CSMD1: variants seen among roughly 807,000 people sequenced by gnomAD.
The protein encoded by CSMD1 is CUB and Sushi multiple domains 1.
Under a neutral mutation model 417.5 loss-of-function variants are expected in CSMD1, and 213 were observed. The observed-to-expected ratio is 0.51, with a 90% CI of 0.46 to 0.57. CSMD1 has a LOEUF of 0.57. CSMD1 is among the 20% of genes least tolerant of loss of function. The probability of loss-of-function intolerance (pLI) is 0.00; values close to 1 mark genes in which losing one functional copy is unlikely to be tolerated. For missense variants in CSMD1, 6,923 were observed against 4,529.7 expected (o/e 1.53, Z -15.17); for synonymous variants, 2,862 against 1,736.8 (o/e 1.65, Z -16.11).
At chr8:4,589,911 A>G (rs531406075) in intron 2 of CSMD1, among the ~76,000 whole-genome samples, 127 of 152,310 alleles carry the variant, frequency 8.3e-4, no homozygotes, top group Non-Finnish European at 1.6e-3. Flanking sequence ...ACACCATAGA[A>G]TATGTGGCTT....
intron 3 of CSMD1, among the ~76,000 whole-genome samples, chr8:4,327,853 C>A (rs1255929428): frequency 6.6e-6 from 1 of 152,148 alleles, no homozygotes; most frequent in African/African-American, 2.4e-5. Context: ...TGAAAGATGA[C>A]ACATTTTGTA....
chr8:4,956,880 A>G (rs1021980626), intron 1 of CSMD1, among the ~76,000 whole-genome samples: 1 of 152,142 alleles, frequency 6.6e-6, no homozygotes, highest in Non-Finnish European at 1.5e-5. Flanking sequence ...CTCCACACCA[A>G]GCGGCAATCC....
At chr8:4,044,315 T>C (rs994836112) in intron 3 of CSMD1, among the ~76,000 whole-genome samples, 7 of 152,204 alleles carry the variant, frequency 4.6e-5, no homozygotes, top group Non-Finnish European at 8.8e-5. Flanking sequence ...TGAAAATTGA[T>C]GCAACACTTA....
chr8:3,448,426 A>AGGAGGGGAGGGAG (rs532643101), intron 12 of CSMD1, among the ~76,000 whole-genome samples: 1 of 96,098 alleles, frequency 1.0e-5, no homozygotes, highest in African/African-American at 4.4e-5. Context: ...AAGGGAAGGA[A>AGGAGGGGAGGGAG]GAAGGAGCAA....
At chr8:3,670,288 T>A (rs1396138976) in intron 7 of CSMD1, among the ~76,000 whole-genome samples, 1 of 151,854 alleles carries the variant, frequency 6.6e-6, no homozygotes, top group Non-Finnish European at 1.5e-5. Context: ...CCTACATCCT[T>A]CTCCTGTGCC....
At chr8:4,309,198 T>G (rs1290287246) in intron 3 of CSMD1, among the ~76,000 whole-genome samples, 5 of 152,122 alleles carry the variant, frequency 3.3e-5, no homozygotes, top group African/African-American at 9.7e-5. Context: ...TACTTTCAAT[T>G]CCTAGGGTCA....
At chr8:3,632,321 G>T (rs999827001) in intron 7 of CSMD1, among the ~76,000 whole-genome samples, 6 of 151,990 alleles carry the variant, frequency 3.9e-5, no homozygotes, top group Admixed American at 3.9e-4. Flanking sequence ...AGCCCCGTTC[G>T]CCTTCTTGGA....
intron 7 of CSMD1, among the ~76,000 whole-genome samples, chr8:3,684,041 C>G (rs770821664): frequency 3.3e-4 from 50 of 149,456 alleles, no homozygotes; most frequent in Admixed American, 1.2e-3. Flanking sequence ...GACAGTCTTT[C>G]TATTTTAATG....
At chr8:3,708,365 C>T (rs1812660533) in intron 7 of CSMD1, 49 bp downstream of exon 7, 1 of 1,515,350 alleles carries the variant, frequency 6.6e-7, no homozygotes. Context: ...ATTCTCTCCT[C>T]TGCTTACAAG....
chr8:3,822,642 A>G (rs1272967521), intron 5 of CSMD1, among the ~76,000 whole-genome samples: 2 of 152,092 alleles, frequency 1.3e-5, no homozygotes, highest in Non-Finnish European at 2.9e-5. Flanking sequence ...TTGCTTTATT[A>G]CATTCCGTCT....
chr8:3,436,505 T>C (rs1308128628), intron 12 of CSMD1, among the ~76,000 whole-genome samples: 2 of 152,350 alleles, frequency 1.3e-5, no homozygotes, highest in African/African-American at 2.4e-5. Flanking sequence ...AAATTAATTA[T>C]GTAAATTAAG....
intron 12 of CSMD1, among the ~76,000 whole-genome samples, chr8:3,452,833 A>G (rs923384259): frequency 1.3e-5 from 2 of 152,216 alleles, no homozygotes; most frequent in African/African-American, 4.8e-5. Flanking sequence ...TGGCCTCATA[A>G]AATGAGTTAG....
intron 3 of CSMD1, among the ~76,000 whole-genome samples, chr8:4,259,691 T>A (rs1040547124): frequency 2.0e-5 from 3 of 152,168 alleles, no homozygotes; most frequent in African/African-American, 7.2e-5. Flanking sequence ...AAATTTCTAT[T>A]CATCATGTAC....
intron 3 of CSMD1, among the ~76,000 whole-genome samples, chr8:4,198,119 G>C (rs903626948): frequency 1.3e-5 from 2 of 152,226 alleles, no homozygotes; most frequent in African/African-American, 4.8e-5. Context: ...TTTTACGGGA[G>C]AAGGTTCTTT....
Position 3,891,398 on chromosome 8 carries a change from G to A in CSMD1, c.818+106505C>T, listed in dbSNP as rs534683542. On this transcript the variant is annotated intron_variant, in intron 5 of 69. Transcript: ENST00000635120. ...CAATTCAATTCCAAAATCCATCCGA[G>A]GCCAGGTATGGTGGCTCACGCCTAC... Among the ~76,000 whole-genome samples, 19 of 152,174 alleles carry A rather than the reference G, an allele frequency of 1.2e-4. 1 individual carries two copies. In the South Asian group the frequency reaches 3.9e-3, roughly 32 times the overall value.
chr8:4,579,795 G>C (rs777661337), intron 2 of CSMD1, among the ~76,000 whole-genome samples: 1 of 151,866 alleles, frequency 6.6e-6, no homozygotes, highest in Non-Finnish European at 1.5e-5. Flanking sequence ...TCCATTATTG[G>C]CTTACTTGTG....
chr8:3,001,086 C>G (rs1209996369), intron 52 of CSMD1, among the ~76,000 whole-genome samples: 1 of 151,840 alleles, frequency 6.6e-6, no homozygotes, highest in Non-Finnish European at 1.5e-5. Context: ...CTCAAGTCAT[C>G]TTTTGGCCTC....
chr8:4,300,630 C>G (rs924274723), intron 3 of CSMD1, among the ~76,000 whole-genome samples: 5 of 152,096 alleles, frequency 3.3e-5, no homozygotes, highest in Non-Finnish European at 5.9e-5. Context: ...GTGTGCTGCA[C>G]CCATTAACTC....
At chr8:3,822,721 C>T (rs1457753479) in intron 5 of CSMD1, among the ~76,000 whole-genome samples, 3 of 152,052 alleles carry the variant, frequency 2.0e-5, no homozygotes, top group Non-Finnish European at 4.4e-5. Flanking sequence ...ACCCTAAAGT[C>T]CTTTGGGTTT....
Sources: gnomAD v4.1 joint callset for allele counts (sites outside exome capture counted in the v4.1 genomes callset) on GRCh38, gnomAD v4.1.1 for gene constraint, MANE v1.5 for transcripts, NCBI Gene and HGNC (gene_info 2026-07-23, HGNC 2026-07-21) for gene names.